Variants in SP9 observed in about 807,000 individuals in gnomAD.
SP9 encodes transcription factor Sp9.
SP9 carries 5 observed loss-of-function variants against 23.0 expected under a neutral mutation model. The observed-to-expected ratio is 0.22, with a 90% CI of 0.11 to 0.46. SP9 has a LOEUF of 0.46. SP9 is among the 20% of genes least tolerant of loss of function. The pLI is 0.99. For missense variants in SP9, 542 were observed against 724.0 expected, an observed-to-expected ratio of 0.75 and a Z score of 2.88; for synonymous variants, 360 against 356.5, an observed-to-expected ratio of 1.01 and a Z score of -0.11.
In SP9 at chr2:174,337,430, G is replaced by C. The variant is rs1483156920; in HGVS notation, c.1345G>C (p.Gly449Arg). 2 of 1,460,058 alleles carry C rather than the reference G, an allele frequency of 1.4e-6. No individual in the cohort carries two copies. The highest frequency in any genetic ancestry group is 9.1e-7 in the Non-Finnish European group (1 of 1,098,500). 90.4% of individuals were successfully genotyped at this position (1,460,058 alleles called of 1,614,324 possible). Residue 449 changes from glycine to arginine, a missense_variant, in exon 2 of 2, where the codon GGC becomes CGC. Gly to Arg is a moderately radical substitution (Grantham distance 125, BLOSUM62 -2). This residue lies in a region of SP9 where 55 missense variants were observed against 56.1 expected (regional missense o/e 0.98). Transcript: ENST00000394967. ...CCCCGACCTCATCCTGCATGACTCC[G>C]GCGTCAGTGCCGCCCGGGCGGCGGC... ...ESPDLILHDS[G>R]VSAARAAAAA...
In SP9 at chr2:174,336,388, C is replaced by T. The variant is rs1322473507; in HGVS notation, c.303C>T (p.Phe101=). ...CCACGTCGCCCACGTCGTCCGCCTT[C>T]AGCAGCGACTACGGCGGCCTCTTCT... ...LASTSPTSSA[F]SSDYGGLFSN... is the part of the protein sequence containing the mutation. Residue 101 remains phenylalanine (F), a synonymous_variant, in exon 2 of 2, where the codon TTC becomes TTT. Coordinates refer to ENST00000394967, the MANE Select transcript of SP9 (RefSeq NM_001145250.2). 6.7e-7 allele frequency: 1 copy of T among 1,491,868 alleles called. No homozygotes were observed. Among genetic ancestry groups the T allele is most frequent in the East Asian group, 2.8e-5 (1 of 36,126 alleles). The allele number at this position is 1,491,868 out of a possible 1,614,324, so 92.4% of individuals were successfully genotyped here. A position where few individuals can be genotyped will look rare whatever the true frequency, so the allele number is the denominator to read the frequency against.
Position 174,337,138 on chromosome 2 carries a change from G to C in SP9, c.1053G>C (p.Ala351=), listed in dbSNP as rs778458144. 6.2e-7 allele frequency: 1 copy of C among 1,607,160 alleles called. No individual in the cohort carries two copies. Among genetic ancestry groups the C allele is most frequent in the East Asian group, 2.2e-5 (1 of 44,530 alleles). The part of the protein sequence containing the change: ...KVYGKTSHLK[A]HLRWHTGERP... ...ACGGGAAGACGTCGCACCTGAAGGC[G>C]CACCTGCGCTGGCACACGGGCGAGC... The change falls in exon 2 of 2, where the codon GCG becomes GCC. Residue 351 remains alanine, a synonymous_variant. Coordinates refer to ENST00000394967, the MANE Select transcript of SP9 (RefSeq NM_001145250.2).
In SP9 at chr2:174,337,483, G is replaced by A. The variant is rs746206374; in HGVS notation, c.1398G>A (p.Ala466=). Residue 466 remains alanine (A), a synonymous_variant, in exon 2 of 2, where the codon GCG becomes GCA. Coordinates refer to ENST00000394967, the MANE Select transcript of SP9 (RefSeq NM_001145250.2). ...CGGCGGCGGCGGCAGCGGCGGCGGC[G>A]GCGGCGGCGGCCTCCGCGGGAGGCA... ...AAAAAAAAAA[A]AAAASAGGKE... is the part of the protein sequence containing the mutation. 8.4e-6 allele frequency: 10 copies of A among 1,195,770 alleles called. No homozygotes were observed. The highest frequency in any genetic ancestry group is 4.0e-5 in the South Asian group (1 of 25,034). 74.1% of individuals were successfully genotyped at this position (1,195,770 alleles called of 1,614,324 possible). A position where few individuals can be genotyped will look rare whatever the true frequency, so the allele number is the denominator to read the frequency against.
Position 174,338,203 on chromosome 2 carries a change from A to T in SP9, c.*663A>T, listed in dbSNP as rs1044568640. On this transcript the variant is annotated 3_prime_UTR_variant, in exon 2 of 2. Transcript: ENST00000394967. Reference sequence around the variant, plus strand: ...TCTAGCGACAGTTTCTCTGTATTTCATAACATCTGTATAAATAGGGTTCAA... The same window carrying T: ...TCTAGCGACAGTTTCTCTGTATTTCTTAACATCTGTATAAATAGGGTTCAA... 1 of 152,228 alleles carries T rather than the reference A, an allele frequency of 6.6e-6. No homozygotes were observed. Among genetic ancestry groups the T allele is most frequent in the Non-Finnish European group, 1.5e-5 (1 of 68,042 alleles). 9.4% of individuals were successfully genotyped at this position (152,228 alleles called of 1,614,324 possible).
Position 174,336,848 on chromosome 2 carries a change from C to T in SP9, c.763C>T (p.Leu255=), listed in dbSNP as rs1427981551. The change falls in exon 2 of 2, where the codon CTG becomes TTG. Residue 255 remains leucine (L), a synonymous_variant. Transcript: ENST00000394967. ...CCTGCTCTCCACCAGCCAGCACCTG[C>T]TGGCCCAGGACGGCTTCAAGCCGGT... is the stretch of plus-strand genomic sequence containing the variant. The part of the protein sequence containing the change: ...SHLLSTSQHL[L]AQDGFKPVLP... 1.3e-6 allele frequency: 2 copies of T among 1,525,164 alleles called. No homozygotes were observed. Among genetic ancestry groups the T allele is most frequent in the South Asian group, 1.2e-5 (1 of 82,780 alleles). 94.5% of individuals were successfully genotyped at this position (1,525,164 alleles called of 1,614,324 possible).
chr2:174,337,026 A>G lies in SP9; in HGVS notation c.941A>G (p.Gln314Arg). 1 of 1,513,394 alleles carries G rather than the reference A, an allele frequency of 6.6e-7. No homozygotes were observed. Among genetic ancestry groups the G allele is most frequent in the Non-Finnish European group, 8.8e-7 (1 of 1,136,062 alleles). 93.7% of individuals were successfully genotyped at this position (1,513,394 alleles called of 1,614,324 possible). A position where few individuals can be genotyped will look rare whatever the true frequency, so the allele number is the denominator to read the frequency against. Residue 314 changes from glutamine (Q) to arginine (R), a missense_variant, in exon 2 of 2, where the codon CAG becomes CGG. Coordinates refer to ENST00000394967, the MANE Select transcript of SP9 (RefSeq NM_001145250.2). ...GRATCDCPNC[Q>R]EAERLGPAGA... ...GCCACCTGCGACTGCCCCAACTGCC[A>G]GGAGGCGGAGCGGCTGGGCCCGGCC... is the stretch of plus-strand genomic sequence containing the variant.
chr2:174,336,247 G>C lies in SP9; in HGVS notation c.162G>C (p.Ser54=). The change falls in exon 2 of 2, where the codon TCG becomes TCC. Residue 54 remains serine, a synonymous_variant. Coordinates refer to ENST00000394967, the MANE Select transcript of SP9 (RefSeq NM_001145250.2). ...KGGFHPWKRS[S]SSCNLGSSLS... ...GCTTTCACCCCTGGAAGCGCTCCTCGTCCAGCTGCAACCTCGGCTCCAGCC... is the reference window on the plus strand; with the variant it reads ...GCTTTCACCCCTGGAAGCGCTCCTCCTCCAGCTGCAACCTCGGCTCCAGCC... 3.2e-6 allele frequency: 5 copies of C among 1,546,564 alleles called. No individual in the cohort carries two copies. Among genetic ancestry groups the C allele is most frequent in the Non-Finnish European group, 3.5e-6 (4 of 1,145,260 alleles).
chr2:174,336,425 G>T lies in SP9; in HGVS notation c.340G>T (p.Ala114Ser), dbSNP rs766969215. 6.8e-7 allele frequency: 1 copy of T among 1,466,136 alleles called. No homozygotes were observed. The highest frequency in any genetic ancestry group is 1.3e-5 in the South Asian group (1 of 74,326). The allele number at this position is 1,466,136 out of a possible 1,614,324, so 90.8% of individuals were successfully genotyped here. ...DYGGLFSNSA[A>S]AAAAAAGVSP... ...CGGCGGCCTCTTCTCCAACTCGGCG[G>T]CTGCCGCGGCGGCAGCGGCCGGGGT... Residue 114 changes from alanine (A) to serine (S), a missense_variant, in exon 2 of 2, where the codon GCT becomes TCT. Ala to Ser is a moderately conservative substitution (Grantham distance 99). Coordinates refer to ENST00000394967, the MANE Select transcript of SP9 (RefSeq NM_001145250.2).
chr2:174,336,578 TC>T lies in SP9; in HGVS notation c.494del (p.Ser165Ter), dbSNP rs1684416862. ...GTCCTGGTACAAGTCGGGCTTCCAT[TC>T]GACGCTGGCGGCCGGCGAGGTGACC... is the stretch of plus-strand genomic sequence containing the variant. The part of the protein sequence containing the change: ...YESWYKSGFH[S>X]TLAAGEVTNG... On this transcript the variant is annotated frameshift_variant, in exon 2 of 2. Transcript: ENST00000394967. LOFTEE classifies it high-confidence loss of function. 1 of 1,426,350 alleles carries T rather than the reference TC, an allele frequency of 7.0e-7. No homozygotes were observed. The allele number at this position is 1,426,350 out of a possible 1,614,324, so 88.4% of individuals were successfully genotyped here.
Position 174,337,471 on chromosome 2 carries a change from AGCG to A in SP9, c.1407_1409del (p.Ala470del), listed in dbSNP as rs746223726. 6.2e-4 allele frequency: 738 copies of A among 1,195,170 alleles called. No individual in the cohort carries two copies. Among genetic ancestry groups the A allele is most frequent in the East Asian group, 2.2e-3 (60 of 26,758 alleles). The allele number at this position is 1,195,170 out of a possible 1,614,324, so 74.0% of individuals were successfully genotyped here. ...GGGCGGCGGCAGCGGCGGCGGCGGC[AGCG>A]GCGGCGGCGGCGGCGGCGGCCTCCG... On this transcript the variant is annotated inframe_deletion, in exon 2 of 2. Transcript: ENST00000394967.
Position 174,336,383 on chromosome 2 carries a change from G to A in SP9, c.298G>A (p.Ala100Thr). The A allele has an allele frequency of 1.3e-6, 2 of 1,490,280 alleles. No individual in the cohort carries two copies. The highest frequency in any genetic ancestry group is 8.9e-7 in the Non-Finnish European group (1 of 1,128,336). The allele number at this position is 1,490,280 out of a possible 1,614,324, so 92.3% of individuals were successfully genotyped here. A position where few individuals can be genotyped will look rare whatever the true frequency, so the allele number is the denominator to read the frequency against. ...GGCCTCCACGTCGCCCACGTCGTCC[G>A]CCTTCAGCAGCGACTACGGCGGCCT... ...CLASTSPTSS[A>T]FSSDYGGLFS... The change falls in exon 2 of 2, where the codon GCC becomes ACC. Residue 100 changes from alanine to threonine, a missense_variant. Ala to Thr is a moderately conservative substitution (Grantham distance 58, BLOSUM62 0). Around this residue, in one of 8 missense-constraint regions of SP9, gnomAD observed 201 missense variants for 226.3 expected, o/e 0.89. Coordinates refer to ENST00000394967, the MANE Select transcript of SP9 (RefSeq NM_001145250.2).
chr2:174,335,868 T>C (rs1323277226), intron 1 of SP9: 1 of 528,206 alleles, frequency 1.9e-6, no homozygotes, highest in Non-Finnish European at 3.3e-6. Context: ...CTTTGATTTA[T>C]AGCCTCAGCG....
chr2:174,337,530 A>G lies in SP9; in HGVS notation c.1445A>G (p.Asn482Ser). 8.6e-7 allele frequency: 1 copy of G among 1,162,766 alleles called. No homozygotes were observed. 72.0% of individuals were successfully genotyped at this position (1,162,766 alleles called of 1,614,324 possible). A position where few individuals can be genotyped will look rare whatever the true frequency, so the allele number is the denominator to read the frequency against. ...GGCAAGGAAGCAGCGTCTGGCCCCA[A>G]CGACTCTTAGAGGCCGGGCGAGAGG... The part of the protein sequence containing the change: ...AGGKEAASGP[N>S]DS The change falls in exon 2 of 2, where the codon AAC becomes AGC. Residue 482 changes from asparagine (N) to serine (S), a missense_variant. Asn to Ser is a conservative substitution (Grantham distance 46, BLOSUM62 1). This residue lies in a region of SP9 where 55 missense variants were observed against 56.1 expected (regional missense o/e 0.98). Transcript: ENST00000394967.
rs1559049391 is a variant in SP9, at chr2:174,337,394, C to T, written c.1309C>T (p.Arg437Cys). 1 of 1,548,790 alleles carries T rather than the reference C, an allele frequency of 6.5e-7. No individual in the cohort carries two copies. Among genetic ancestry groups the T allele is most frequent in the African/African-American group, 1.4e-5 (1 of 72,910 alleles). Residue 437 changes from arginine (R) to cysteine (C), a missense_variant, in exon 2 of 2, where the codon CGT becomes TGT. This residue lies in a region of SP9 where 35 missense variants were observed against 67.2 expected (regional missense o/e 0.52). Transcript: ENST00000394967. ...DTDASNLETP[R>C]SESPDLILHD... ...GGACGCCAGCAACCTGGAGACGCCC[C>T]GTTCCGAATCCCCCGACCTCATCCT...
rs114517951 is a variant in SP9, at chr2:174,337,775, A to G, written c.*235A>G. 1.8e-3 allele frequency: 493 copies of G among 279,468 alleles called. 1 individual carries two copies. Among genetic ancestry groups the G allele is most frequent in the African/African-American group, 0.011 (473 of 43,832 alleles). 17.3% of individuals were successfully genotyped at this position (279,468 alleles called of 1,614,324 possible). ...TAAGAATCGAACGCGTGGTCCGGAA[A>G]CAAAAGCGAACCATCCTCCGACACA... On this transcript the variant is annotated 3_prime_UTR_variant, in exon 2 of 2. Transcript: ENST00000394967.
rs1285910401 is a variant in SP9, at chr2:174,337,691, C to A, written c.*151C>A. 1.0e-6 allele frequency: 1 copy of A among 970,686 alleles called. No individual in the cohort carries two copies. Among genetic ancestry groups the A allele is most frequent in the East Asian group, 6.9e-5 (1 of 14,598 alleles). 60.1% of individuals were successfully genotyped at this position (970,686 alleles called of 1,614,324 possible). On this transcript the variant is annotated 3_prime_UTR_variant, in exon 2 of 2. Transcript: ENST00000394967. The stretch of plus-strand genomic sequence containing the variant: ...GGGCGCGAGGTGGAGCCGCTCAGGG[C>A]TCCCGGGCTGCGGTTCGCCCGCTGT...
chr2:174,337,469 G>A lies in SP9; in HGVS notation c.1384G>A (p.Ala462Thr). The A allele has an allele frequency of 1.7e-6, 2 of 1,199,906 alleles. No individual in the cohort carries two copies. The highest frequency in any genetic ancestry group is 3.4e-5 in the South Asian group (1 of 29,266). 74.3% of individuals were successfully genotyped at this position (1,199,906 alleles called of 1,614,324 possible). The change falls in exon 2 of 2, where the codon GCA (alanine) becomes ACA (threonine). Residue 462 changes from alanine to threonine, a missense_variant. Ala to Thr is a moderately conservative substitution (Grantham distance 58). This residue lies in a region of SP9 where 55 missense variants were observed against 56.1 expected (regional missense o/e 0.98). Transcript: ENST00000394967. ...AARAAAAAAA[A>T]AAAAAAAASA... ...CCGGGCGGCGGCAGCGGCGGCGGCG[G>A]CAGCGGCGGCGGCGGCGGCGGCGGC...
At position 174,336,311 on chromosome 2, in the gene SP9, G is replaced by C; in HGVS notation, c.226G>C (p.Gly76Arg). 1 of 1,502,142 alleles carries C rather than the reference G, an allele frequency of 6.7e-7. No individual in the cohort carries two copies. 93.1% of individuals were successfully genotyped at this position (1,502,142 alleles called of 1,614,324 possible). Residue 76 changes from glycine to arginine, a missense_variant, in exon 2 of 2, where the codon GGC becomes CGC. Gly to Arg is a moderately radical substitution (Grantham distance 125). Around this residue, in one of 8 missense-constraint regions of SP9, gnomAD observed 201 missense variants for 226.3 expected, o/e 0.89. Transcript: ENST00000394967. ...GGTGGCCACCGGGGGCCGTGGCTCG[G>C]GCGGCCTGGCGGGCGGCTCGGGCGC... The part of the protein sequence containing the change: ...FAVATGGRGS[G>R]GLAGGSGAAN...
chr2:174,336,149 G>A lies in SP9; in HGVS notation c.64G>A (p.Ala22Thr). ...AACGACCCCGTTGGCCATGCTGGCG[G>A]CGACCTGCAACAAGATCGGCAACAC... ...FGTTPLAMLA[A>T]TCNKIGNTSP... Residue 22 changes from alanine (A) to threonine (T), a missense_variant, in exon 2 of 2, where the codon GCG (alanine) becomes ACG (threonine). Transcript: ENST00000394967. 1 of 1,551,154 alleles carries A rather than the reference G, an allele frequency of 6.4e-7. No individual in the cohort carries two copies. The highest frequency in any genetic ancestry group is 8.7e-7 in the Non-Finnish European group (1 of 1,146,704).
Sources: gnomAD v4.1 joint callset for allele counts on GRCh38, gnomAD v4.1.1 for gene constraint, gnomAD v4.1.1 regional missense constraint, MANE v1.5 for transcripts, NCBI Gene and HGNC (gene_info 2026-07-23, HGNC 2026-07-21) for gene names.